The following TRIM34 variants were observed in gnomAD, a reference collection of about 807,000 sequenced individuals.
The protein encoded by TRIM34 is E3 ubiquitin-protein ligase TRIM34.
In TRIM34, 41 loss-of-function variants were observed where a neutral mutation model predicts 38.1. That is an observed-to-expected ratio of 1.08 (90% CI 0.84 to 1.40). The LOEUF (loss-of-function observed/expected upper bound fraction) is 1.40. Among genes scored for constraint, TRIM34 ranks in the 40% most tolerant of loss-of-function variants. The probability of loss-of-function intolerance (pLI) is 0.00; values close to 1 mark genes in which losing one functional copy is unlikely to be tolerated. For missense variants in TRIM34, 556 were observed against 571.4 expected (o/e 0.97, Z 0.27); for synonymous variants, 200 against 202.5 (o/e 0.99, Z 0.10).
chr11:5,643,600 G>A lies in TRIM34; in HGVS notation c.1358G>A (p.Gly453Asp), dbSNP rs1301622538. The part of the protein sequence containing the change: ...IVSFFNVTSH[G>D]SLIYKFSKCC... ...TCATTTTTCAATGTCACAAGCCATG[G>A]CTCCCTCATTTACAAGTTCTCTAAA... The change falls in exon 8 of 8, where the codon GGC (glycine) becomes GAC (aspartate). Residue 453 changes from glycine (G) to aspartate (D), a missense_variant. Transcript: ENST00000429814. The A allele has an allele frequency of 1.2e-6, 2 of 1,613,926 alleles. No individual in the cohort carries two copies. The highest frequency in any genetic ancestry group is 3.3e-5 in the Admixed American group (2 of 59,992).
chr11:5,632,107 G>T, intron 1 of TRIM34, 148 bp from the exon 2 acceptor site: 1 of 1,114,118 alleles, frequency 9.0e-7, no homozygotes, highest in Non-Finnish European at 1.2e-6. Flanking sequence ...TTAACAGCTC[G>T]CCCAGACCAC....
chr11:5,623,824 T>A (rs1849090931), upstream of TRIM34, among the ~76,000 whole-genome samples: 3 of 152,206 alleles, frequency 2.0e-5, no homozygotes, highest in South Asian at 2.1e-4. Flanking sequence ...TTCCAACAAG[T>A]TTATAATTGT....
chr11:5,633,450 T>C (rs1749978387), intron 2 of TRIM34, among the ~76,000 whole-genome samples: 1 of 152,218 alleles, frequency 6.6e-6, no homozygotes, highest in South Asian at 2.1e-4. Flanking sequence ...GATAAATTCC[T>C]TCCCAAAGTT....
Position 5,643,778 on chromosome 11 carries a change from T to C in TRIM34, c.*69T>C. ...TCCTGCAACTGACTCATCTGCAACA[T>C]TCACACCATTGCTTCCTTGTGGTTT... is the stretch of plus-strand genomic sequence containing the variant. On this transcript the variant is annotated 3_prime_UTR_variant, in exon 8 of 8. Transcript: ENST00000429814. The C allele has an allele frequency of 6.6e-7, 1 of 1,509,862 alleles. No individual in the cohort carries two copies. The highest frequency in any genetic ancestry group is 8.8e-7 in the Non-Finnish European group (1 of 1,131,322). The allele number at this position is 1,509,862 out of a possible 1,614,324, so 93.5% of individuals were successfully genotyped here. A position where few individuals can be genotyped will look rare whatever the true frequency, so the allele number is the denominator to read the frequency against.
chr11:5,643,502 G>A lies in TRIM34; in HGVS notation c.1260G>A (p.Glu420=). 2 of 1,614,148 alleles carry A rather than the reference G, an allele frequency of 1.2e-6. No homozygotes were observed. Among genetic ancestry groups the A allele is most frequent in the Non-Finnish European group, 1.7e-6 (2 of 1,180,022 alleles). Residue 420 remains glutamate, a synonymous_variant, in exon 8 of 8, where the codon GAG becomes GAA. Coordinates refer to ENST00000429814, the MANE Select transcript of TRIM34 (RefSeq NM_021616.6). ...AAGAGTCTTTGTCCTCTGATCCCGAGGTTTTGACTCTCTCCATGGCTGTGC... is the reference window on the plus strand; with the variant it reads ...AAGAGTCTTTGTCCTCTGATCCCGAAGTTTTGACTCTCTCCATGGCTGTGC... The part of the protein sequence containing the change: ...VFEESLSSDP[E]VLTLSMAVPP...
intron 5 of TRIM34, among the ~76,000 whole-genome samples, chr11:5,641,869 T>C (rs186405349): frequency 2.0e-3 from 299 of 152,264 alleles, no homozygotes; most frequent in African/African-American, 6.8e-3. Flanking sequence ...CTTTGCCGAG[T>C]GTTCGTGTTT....
At chr11:5,641,373 A>T in intron 5 of TRIM34, 184 bp downstream of exon 5, 2 of 1,384,206 alleles carry the variant, frequency 1.4e-6, no homozygotes, top group South Asian at 1.7e-5. Flanking sequence ...AATGGACTCG[A>T]TCCTATGTTA....
At chr11:5,634,956 G>T in intron 4 of TRIM34, 95 bp downstream of exon 4, 1 of 1,375,930 alleles carries the variant, frequency 7.3e-7, no homozygotes. Context: ...GGGTTTCTTT[G>T]GCCTTGCAGT....
At chr11:5,622,792 T>G (rs184372062), upstream of TRIM34, among the ~76,000 whole-genome samples, 1 of 152,356 alleles carries the variant, frequency 6.6e-6, no homozygotes. Flanking sequence ...AAAGAGTATC[T>G]GAGAAAACTC....
At position 5,632,409 on chromosome 11, in the gene TRIM34, G is replaced by C; in HGVS notation, c.78G>C (p.Leu26Phe). 6.2e-7 allele frequency: 1 copy of C among 1,614,046 alleles called. No homozygotes were observed. The highest frequency in any genetic ancestry group is 8.5e-7 in the Non-Finnish European group (1 of 1,180,016). The change falls in exon 2 of 8, where the codon TTG (leucine) becomes TTC (phenylalanine). Residue 26 changes from leucine to phenylalanine, a missense_variant. Leu to Phe is a conservative substitution (Grantham distance 22, BLOSUM62 0). Transcript: ENST00000429814. ...PICLELLTEP[L>F]SLDCGHSLCR... The stretch of plus-strand genomic sequence containing the variant: ...GCCTGGAGCTGTTGACAGAACCCTT[G>C]AGTCTAGACTGTGGCCACAGCCTCT...
rs144441856 is a variant in TRIM34 at position 5,643,515 on chromosome 11, T to C, written c.1273T>C (p.Ser425Pro). ...CTCTGATCCCGAGGTTTTGACTCTC[T>C]CCATGGCTGTGCCTCCCTGCCGTGT... ...LSSDPEVLTL[S>P]MAVPPCRVGV... Residue 425 changes from serine (S) to proline (P), a missense_variant, in exon 8 of 8, where the codon TCC becomes CCC. Coordinates refer to ENST00000429814, the MANE Select transcript of TRIM34 (RefSeq NM_021616.6). 46 of 1,614,202 alleles carry C rather than the reference T, an allele frequency of 2.8e-5. No homozygotes were observed. In the African/African-American group the frequency reaches 5.6e-4, roughly 20 times the overall value.
At chr11:5,627,823 T>C (rs1396119264) in intron 1 of TRIM34, among the ~76,000 whole-genome samples, 1 of 152,200 alleles carries the variant, frequency 6.6e-6, no homozygotes, top group Non-Finnish European at 1.5e-5. Flanking sequence ...GTCTAGGATA[T>C]TGTCTAGAAA....
At chr11:5,639,405 G>T (rs1018020038) in intron 4 of TRIM34, among the ~76,000 whole-genome samples, 1 of 152,050 alleles carries the variant, frequency 6.6e-6, no homozygotes, top group African/African-American at 2.4e-5. Context: ...TGGAGGCCAG[G>T]CGCGGTGGCT....
intron 7 of TRIM34, 63 bp from the exon 8 acceptor site, chr11:5,643,081 C>T: frequency 7.8e-7 from 1 of 1,277,068 alleles, no homozygotes. Flanking sequence ...GTCACCTAAT[C>T]ATATATATCA....
upstream of TRIM34, among the ~76,000 whole-genome samples, chr11:5,624,523 G>A (rs1422145990): frequency 1.3e-5 from 2 of 152,236 alleles, no homozygotes; most frequent in African/African-American, 4.8e-5. Flanking sequence ...GAGGGACCAT[G>A]TGCAACCATG....
At chr11:5,631,684 G>T (rs1179463213) in intron 1 of TRIM34, among the ~76,000 whole-genome samples, 2 of 152,122 alleles carry the variant, frequency 1.3e-5, no homozygotes, top group Admixed American at 1.3e-4. Flanking sequence ...TTCAGCTATT[G>T]AAGAATTTCC....
At chr11:5,642,872 G>A in intron 7 of TRIM34, 29 bp downstream of exon 7, 1 of 1,613,298 alleles carries the variant, frequency 6.2e-7, no homozygotes, top group Non-Finnish European at 8.5e-7. Flanking sequence ...TTAAATAACT[G>A]TTTTCCAATT....
rs181309349 is a variant in TRIM34, at chr11:5,638,014, G to A, written c.750+3153G>A. Among the ~76,000 whole-genome samples, 115 of 152,232 alleles carry A rather than the reference G, an allele frequency of 7.6e-4. 1 individual carries two copies. Among genetic ancestry groups the A allele is most frequent in the African/African-American group, 2.6e-3 (108 of 41,542 alleles). ...CATGTCTATTTCCATCCTTGTACTTGTTTAGACCTGAGAAAATCAGCACTA... is the reference window on the plus strand; with the variant it reads ...CATGTCTATTTCCATCCTTGTACTTATTTAGACCTGAGAAAATCAGCACTA... On this transcript the variant is annotated intron_variant, in intron 4 of 7. Coordinates refer to ENST00000429814, the MANE Select transcript of TRIM34 (RefSeq NM_021616.6).
At chr11:5,624,119 TCA>T (rs1475713043), upstream of TRIM34, among the ~76,000 whole-genome samples, 1 of 152,200 alleles carries the variant, frequency 6.6e-6, no homozygotes, top group Non-Finnish European at 1.5e-5. Context: ...CAAGGTTACC[TCA>T]GTTTCAAAGC....
Sources: allele counts gnomAD v4.1 joint callset (sites outside exome capture counted in the v4.1 genomes callset), GRCh38; gene constraint gnomAD v4.1.1; transcripts MANE v1.5; gene names NCBI Gene and HGNC (gene_info 2026-07-23, HGNC 2026-07-21).